Variants in CTNNA3 observed in about 807,000 individuals in gnomAD.
CTNNA3 encodes catenin alpha 3.
In CTNNA3, 76 loss-of-function variants were observed where a neutral mutation model predicts 95.7. That is an observed-to-expected ratio of 0.79 (90% CI 0.66 to 0.96). CTNNA3 has a LOEUF of 0.96. CTNNA3 is among the 40% of genes least tolerant of loss of function. CTNNA3 has a pLI of 0.00. For missense variants in CTNNA3, 1,191 were observed against 1,089.8 expected (o/e 1.09, Z -1.31); for synonymous variants, 431 against 374.4 (o/e 1.15, Z -1.74).
At chr10:66,817,791 T>C (rs868645938) in intron 7 of CTNNA3, among the ~76,000 whole-genome samples, 1 of 152,052 alleles carries the variant, frequency 6.6e-6, no homozygotes, top group Non-Finnish European at 1.5e-5. Flanking sequence ...TTCCAACTTA[T>C]TTCTTGAGGT....
intron 5 of CTNNA3, among the ~76,000 whole-genome samples, chr10:67,315,195 C>T (rs1840990336): frequency 6.6e-6 from 1 of 152,190 alleles, no homozygotes; most frequent in African/African-American, 2.4e-5. Flanking sequence ...AGCCCAACCT[C>T]TCTATCACTC....
chr10:66,143,153 T>C (rs1293259277), intron 13 of CTNNA3, among the ~76,000 whole-genome samples: 1 of 152,088 alleles, frequency 6.6e-6, no homozygotes, highest in African/African-American at 2.4e-5. Context: ...TATGAACCAT[T>C]TGACAGAAAT....
chr10:66,279,793 T>A (rs536495909), intron 13 of CTNNA3, among the ~76,000 whole-genome samples: 8 of 152,084 alleles, frequency 5.3e-5, no homozygotes, highest in Non-Finnish European at 4.4e-5. Context: ...TCTCCATATC[T>A]TTACATATGC....
chr10:66,895,927 AAAAAAAAAG>A (rs1262503133), intron 7 of CTNNA3, among the ~76,000 whole-genome samples: 9 of 150,884 alleles, frequency 6.0e-5, no homozygotes, highest in African/African-American at 2.2e-4. Flanking sequence ...AAAAAAAAAA[AAAAAAAAAG>A]AACACACAGA....
chr10:67,440,408 G>A lies in CTNNA3; in HGVS notation c.579+81434C>T, dbSNP rs890848914. 4.6e-5 allele frequency among the ~76,000 whole-genome samples: 7 copies of A among 152,126 alleles called. 1 individual carries two copies. The highest frequency in any genetic ancestry group is 2.6e-4 in the Admixed American group (4 of 15,266). Reference sequence around the variant, plus strand: ...CATCTCTGAACCTACTCAAGACCCAGGAGAACTTTCCACTCTGAAGGGAAG... The same window carrying A: ...CATCTCTGAACCTACTCAAGACCCAAGAGAACTTTCCACTCTGAAGGGAAG... On this transcript the variant is annotated intron_variant, in intron 5 of 17. Transcript: ENST00000433211.
chr10:67,130,384 C>A (rs1859935367), intron 7 of CTNNA3, among the ~76,000 whole-genome samples: 1 of 152,012 alleles, frequency 6.6e-6, no homozygotes, highest in African/African-American at 2.4e-5. Flanking sequence ...AAAGAGTAAC[C>A]CATAACTTTT....
intron 5 of CTNNA3, among the ~76,000 whole-genome samples, chr10:67,315,631 A>T (rs903408759): frequency 3.9e-5 from 6 of 152,148 alleles, no homozygotes; most frequent in African/African-American, 1.2e-4. Flanking sequence ...TAATATCGAA[A>T]TAATAGTAAT....
At chr10:67,134,455 T>C (rs1589778557) in intron 7 of CTNNA3, among the ~76,000 whole-genome samples, 1 of 152,096 alleles carries the variant, frequency 6.6e-6, no homozygotes, top group Admixed American at 6.6e-5. Context: ...CCTAATAAAA[T>C]AATACGATGG....
intron 7 of CTNNA3, among the ~76,000 whole-genome samples, chr10:67,086,809 A>T (rs1173882560): frequency 6.6e-6 from 1 of 151,998 alleles, no homozygotes; most frequent in East Asian, 1.9e-4. Context: ...AGTATCTGTT[A>T]TGTTTGTTTG....
chr10:66,114,227 G>A (rs2082229759), intron 13 of CTNNA3, among the ~76,000 whole-genome samples: 1 of 151,936 alleles, frequency 6.6e-6, no homozygotes, highest in Non-Finnish European at 1.5e-5. Context: ...CAGTAAAAGG[G>A]AGTCTAACTT....
intron 17 of CTNNA3, among the ~76,000 whole-genome samples, chr10:65,921,765 C>T (rs749824176): frequency 5.3e-5 from 8 of 152,250 alleles, no homozygotes; most frequent in African/African-American, 1.9e-4. Flanking sequence ...TGTCCAGTAA[C>T]CTTTTTGGTA....
chr10:67,293,686 G>T (rs1343418062), intron 5 of CTNNA3, among the ~76,000 whole-genome samples: 4 of 111,402 alleles, frequency 3.6e-5, no homozygotes, highest in African/African-American at 1.5e-4. Context: ...CCCACAACAG[G>T]CCCCAGTGTG....
At chr10:66,946,971 A>G (rs1848305793) in intron 7 of CTNNA3, among the ~76,000 whole-genome samples, 1 of 152,112 alleles carries the variant, frequency 6.6e-6, no homozygotes, top group African/African-American at 2.4e-5. Context: ...TTTAAAATCT[A>G]TTCATGTACA....
At position 67,366,276 on chromosome 10, in the gene CTNNA3, GCAGCAAAC is replaced by G. The variant is rs1215215026; in HGVS notation, c.580-146414_580-146407del. On this transcript the variant is annotated intron_variant, in intron 5 of 17. Coordinates refer to ENST00000433211, the MANE Select transcript of CTNNA3 (RefSeq NM_013266.4). ...TAATGTAAATGACAAGTTGATGGGTGCAGCAAACCAACATGGCACATGTATACCTATGT... is the reference window on the plus strand; with the variant it reads ...TAATGTAAATGACAAGTTGATGGGTGCAACATGGCACATGTATACCTATGT... Among the ~76,000 whole-genome samples, 6 of 152,126 alleles carry G rather than the reference GCAGCAAAC, an allele frequency of 3.9e-5. No individual in the cohort carries two copies. In the South Asian group the frequency reaches 6.2e-4, roughly 16 times the overall value.
chr10:65,990,106 C>CAA (rs538583589), intron 15 of CTNNA3, among the ~76,000 whole-genome samples: 2 of 150,196 alleles, frequency 1.3e-5, no homozygotes, highest in South Asian at 4.2e-4. Flanking sequence ...TACACACACA[C>CAA]ACACCACATT....
At chr10:66,890,539 T>C (rs1410552479) in intron 7 of CTNNA3, among the ~76,000 whole-genome samples, 3 of 151,920 alleles carry the variant, frequency 2.0e-5, no homozygotes, top group African/African-American at 7.3e-5. Flanking sequence ...AGCAGGACAG[T>C]AGATTTGGTA....
chr10:66,254,064 C>T (rs1304570003), intron 13 of CTNNA3, among the ~76,000 whole-genome samples: 1 of 152,066 alleles, frequency 6.6e-6, no homozygotes, highest in Non-Finnish European at 1.5e-5. Context: ...CTCTGCTTTC[C>T]CTATATGGTC....
At chr10:66,106,405 A>G (rs1003977026) in intron 13 of CTNNA3, among the ~76,000 whole-genome samples, 1 of 150,744 alleles carries the variant, frequency 6.6e-6, no homozygotes, top group Non-Finnish European at 1.5e-5. Flanking sequence ...TCTGTGAAAG[A>G]TTAACTATCT....
intron 15 of CTNNA3, among the ~76,000 whole-genome samples, chr10:66,024,085 A>ATTTTTTTTTTTTTTGTTTTTT (rs2079283523): frequency 1.1e-5 from 1 of 87,750 alleles, no homozygotes; most frequent in Admixed American, 1.7e-4. Context: ...TACCATACAC[A>ATTTTTTTTTTTTTTGTTTTTT]TTTTTTTTTT....
Sources: allele counts gnomAD v4.1 joint callset (sites outside exome capture counted in the v4.1 genomes callset), GRCh38; gene constraint gnomAD v4.1.1; transcripts MANE v1.5; gene names NCBI Gene and HGNC (gene_info 2026-07-23, HGNC 2026-07-21).